The following INPP4B variants were observed in gnomAD, a reference collection of about 807,000 sequenced individuals.
INPP4B encodes inositol polyphosphate-4-phosphatase type II B.
INPP4B carries 55 observed loss-of-function variants against 122.5 expected under a neutral mutation model. The observed-to-expected ratio is 0.45, with a 90% CI of 0.36 to 0.56. The LOEUF is 0.56. INPP4B is among the 20% of genes least tolerant of loss of function. INPP4B has a pLI of 0.00. For synonymous variants in INPP4B, 403 were observed against 388.7 expected (o/e 1.04, Z -0.43); for missense variants, 1,000 against 1,097.7 (o/e 0.91, Z 1.26).
chr4:142,078,431 G>A (rs984265433), intron 25 of INPP4B, among the ~76,000 whole-genome samples: 6 of 151,874 alleles, frequency 4.0e-5, no homozygotes, highest in African/African-American at 4.8e-5. Flanking sequence ...CATAGGACCC[G>A]AAAGTTTTAG....
intron 14 of INPP4B, among the ~76,000 whole-genome samples, chr4:142,196,168 T>C (rs537404535): frequency 6.6e-6 from 1 of 152,316 alleles, no homozygotes; most frequent in South Asian, 2.1e-4. Flanking sequence ...CCATCTATAT[T>C]ATAACTCCTA....
chr4:142,275,971 C>T (rs1036365765), intron 9 of INPP4B, among the ~76,000 whole-genome samples: 1 of 151,698 alleles, frequency 6.6e-6, no homozygotes, highest in Non-Finnish European at 1.5e-5. Context: ...TGAGACCTAA[C>T]CTTTCATTCT....
intron 5 of INPP4B, among the ~76,000 whole-genome samples, chr4:142,425,537 T>G (rs900943458): frequency 6.6e-6 from 1 of 151,956 alleles, no homozygotes; most frequent in African/African-American, 2.4e-5. Context: ...AGAACCCTAT[T>G]ATGTGTCATT....
chr4:142,728,404 TGG>T (rs1765608064), intron 1 of INPP4B, among the ~76,000 whole-genome samples: 1 of 152,214 alleles, frequency 6.6e-6, no homozygotes, highest in Non-Finnish European at 1.5e-5. Flanking sequence ...ACATCTGTTG[TGG>T]GTTAAATTAT....
At position 142,374,949 on chromosome 4, in the gene INPP4B, G is replaced by C. The variant is rs372687797; in HGVS notation, c.372+27989C>G. Among the ~76,000 whole-genome samples the C allele has an allele frequency of 3.9e-5, 6 of 151,920 alleles. No homozygotes were observed. The East Asian group carries it at 7.8e-4, about 20-fold the overall frequency. On this transcript the variant is annotated intron_variant, in intron 7 of 25. Coordinates refer to ENST00000262992, the MANE Select transcript of INPP4B (RefSeq NM_001101669.3). ...TAGTAAAGGTAGGAACAATTACCAA[G>C]AGATCTCCAGCTCTCCGTTCTGGAA... is the stretch of plus-strand genomic sequence containing the variant.
At chr4:142,515,616 C>T (rs1333626213) in intron 2 of INPP4B, among the ~76,000 whole-genome samples, 1 of 152,120 alleles carries the variant, frequency 6.6e-6, no homozygotes, top group East Asian at 1.9e-4. Flanking sequence ...CAACCTAGCC[C>T]CCGGCCATTG....
chr4:142,589,588 C>T (rs572602396), intron 2 of INPP4B, among the ~76,000 whole-genome samples: 3 of 152,126 alleles, frequency 2.0e-5, no homozygotes, highest in African/African-American at 7.2e-5. Context: ...CTCTACATGC[C>T]TATTAGAATA....
intron 1 of INPP4B, among the ~76,000 whole-genome samples, chr4:142,758,322 A>T (rs969652593): frequency 1.3e-5 from 2 of 152,156 alleles, no homozygotes; most frequent in Admixed American, 6.5e-5. Context: ...GTCATTTGTT[A>T]TCTCTGAAAT....
At chr4:142,313,672 A>G (rs1414329331) in intron 8 of INPP4B, among the ~76,000 whole-genome samples, 1 of 152,220 alleles carries the variant, frequency 6.6e-6, no homozygotes, top group African/African-American at 2.4e-5. Context: ...AGAGATTGGT[A>G]GTAGAAGTGA....
chr4:142,559,216 A>G (rs916623320), intron 2 of INPP4B, among the ~76,000 whole-genome samples: 3 of 152,236 alleles, frequency 2.0e-5, no homozygotes, highest in African/African-American at 7.2e-5. Context: ...AAAGGAATGA[A>G]TATGGACTAA....
chr4:142,597,310 T>C (rs1359980200), intron 2 of INPP4B, among the ~76,000 whole-genome samples: 1 of 152,184 alleles, frequency 6.6e-6, no homozygotes. Context: ...AACAATGAAC[T>C]AACAGAACTA....
intron 2 of INPP4B, among the ~76,000 whole-genome samples, chr4:142,529,636 C>T (rs1056880157): frequency 1.3e-5 from 2 of 151,670 alleles, no homozygotes; most frequent in Non-Finnish European, 2.9e-5. Context: ...AATATAATAT[C>T]CATAAACAAA....
intron 2 of INPP4B, among the ~76,000 whole-genome samples, chr4:142,589,453 A>T (rs879839099): frequency 4.6e-5 from 7 of 152,070 alleles, no homozygotes; most frequent in Admixed American, 4.6e-4. Flanking sequence ...AGAAATTTTT[A>T]AAAATGGGCA....
chr4:142,654,253 G>A (rs1411990443), intron 2 of INPP4B, among the ~76,000 whole-genome samples: 2 of 150,594 alleles, frequency 1.3e-5, no homozygotes, highest in Non-Finnish European at 2.9e-5. Context: ...GATAGAATTA[G>A]GAGAAATACC....
intron 2 of INPP4B, among the ~76,000 whole-genome samples, chr4:142,708,513 G>T (rs1238825131): frequency 1.3e-5 from 2 of 152,152 alleles, no homozygotes; most frequent in East Asian, 3.9e-4. Flanking sequence ...ACTGCTGTCT[G>T]CATCCCAGCC....
intron 19 of INPP4B, 82 bp from the exon 20 acceptor site, chr4:142,123,497 C>T: frequency 2.2e-6 from 3 of 1,376,252 alleles, no homozygotes; most frequent in Non-Finnish European, 3.0e-6. Flanking sequence ...ACTTCTGAGG[C>T]ATCACAGATT....
chr4:142,197,580 G>A (rs1838859936), intron 14 of INPP4B, among the ~76,000 whole-genome samples: 1 of 152,082 alleles, frequency 6.6e-6, no homozygotes, highest in South Asian at 2.1e-4. Flanking sequence ...CTGGATATAT[G>A]TTAATTTGTG....
intron 7 of INPP4B, among the ~76,000 whole-genome samples, chr4:142,334,907 T>C (rs1413976789): frequency 6.6e-6 from 1 of 151,964 alleles, no homozygotes; most frequent in Non-Finnish European, 1.5e-5. Flanking sequence ...ATTTTTCCAG[T>C]TCTATAGGTT....
chr4:142,311,326 C>T lies in INPP4B; in HGVS notation c.423+3386G>A, dbSNP rs146834272. On this transcript the variant is annotated intron_variant, in intron 8 of 25. Coordinates refer to ENST00000262992, the MANE Select transcript of INPP4B (RefSeq NM_001101669.3). ...TGTTCCTTTTTAGACTTATTCTTAC[C>T]GTGCTTGAACTTTAGTTCTGAAATC... 1.8e-3 allele frequency among the ~76,000 whole-genome samples: 273 copies of T among 152,118 alleles called. 1 individual carries two copies. Among genetic ancestry groups the T allele is most frequent in the African/African-American group, 5.8e-3 (239 of 41,486 alleles).
Sources: allele counts gnomAD v4.1 joint callset (sites outside exome capture counted in the v4.1 genomes callset), GRCh38; gene constraint gnomAD v4.1.1; transcripts MANE v1.5; gene names NCBI Gene and HGNC (gene_info 2026-07-23, HGNC 2026-07-21).